The following SLC5A9 variants were observed in gnomAD, a reference collection of about 807,000 sequenced individuals.
SLC5A9 encodes the protein sodium/glucose cotransporter 4.
Under a neutral mutation model 70.9 loss-of-function variants are expected in SLC5A9, and 59 were observed. The ratio of observed to expected loss-of-function variants is 0.83; its 90% CI spans 0.68 to 1.03. SLC5A9 has a LOEUF of 1.03. Ranked by LOEUF, SLC5A9 falls within the 50% of genes least tolerant of loss-of-function variation. The pLI, the probability that SLC5A9 is intolerant of heterozygous loss-of-function variation, is 0.00. For synonymous variants in SLC5A9, 340 were observed against 346.5 expected (o/e 0.98, Z 0.21); for missense variants, 832 against 881.1 (o/e 0.94, Z 0.71).
chr1:48,241,426 CA>C (rs547943457), intron 12 of SLC5A9, among the ~76,000 whole-genome samples: 116 of 152,278 alleles, frequency 7.6e-4, no homozygotes, highest in Admixed American at 2.6e-3. Flanking sequence ...GGGCCCAGCA[CA>C]GTGGAAAGTA....
intron 2 of SLC5A9, among the ~76,000 whole-genome samples, chr1:48,227,402 CTGTGTGGGCGTGAGTGCA>C (rs1314620450): frequency 4.2e-5 from 5 of 118,192 alleles, no homozygotes; most frequent in African/African-American, 1.7e-4. Flanking sequence ...TGTACTGTGC[CTGTGTGGGCGTGAGTGCA>C]TGTGTGTCAG....
rs569662069 is a variant in SLC5A9 at position 48,240,532 on chromosome 1, T to C, written c.1677+995T>C. ...TCTTTTGATGGATGGTGCTTTAGAGTTTGCAAGATGACTTTATACCCTTGG... is the reference window on the plus strand; with the variant it reads ...TCTTTTGATGGATGGTGCTTTAGAGCTTGCAAGATGACTTTATACCCTTGG... On this transcript the variant is annotated intron_variant, in intron 12 of 13. Transcript: ENST00000438567. The C allele has an allele frequency of 3.3e-5, 5 of 152,286 alleles. No individual in the cohort carries two copies. The East Asian group carries it at 9.7e-4, about 29-fold the overall frequency. 9.4% of individuals were successfully genotyped at this position (152,286 alleles called of 1,614,324 possible). A position where few individuals can be genotyped will look rare whatever the true frequency, so the allele number is the denominator to read the frequency against.
chr1:48,231,806 G>C, intron 6 of SLC5A9, 140 bp from the exon 7 acceptor site: 1 of 1,516,128 alleles, frequency 6.6e-7, no homozygotes, highest in Non-Finnish European at 8.9e-7. Context: ...AGGGTCTTGA[G>C]CCCAAGCCCC....
chr1:48,222,750 T>C lies in SLC5A9; in HGVS notation c.14T>C (p.Leu5Pro). MSKE[L>P]AAMGPGASGD... ...CAACACTAACAGATGAGCAAGGAGCTGGCAGCAATGGGGCCTGGAGCTTCA... is the reference window on the plus strand; with the variant it reads ...CAACACTAACAGATGAGCAAGGAGCCGGCAGCAATGGGGCCTGGAGCTTCA... The change falls in exon 1 of 14, where the codon CTG becomes CCG. Residue 5 changes from leucine (L) to proline (P), a missense_variant. Physicochemically the swap from Leu to Pro is moderately conservative, Grantham distance 98. Transcript: ENST00000438567. 6.2e-7 allele frequency: 1 copy of C among 1,614,170 alleles called. No individual in the cohort carries two copies. The highest frequency in any genetic ancestry group is 8.5e-7 in the Non-Finnish European group (1 of 1,180,028).
At chr1:48,242,641 A>G (rs1644405928) in intron 13 of SLC5A9, 25 bp downstream of exon 13, 2 of 1,589,452 alleles carry the variant, frequency 1.3e-6, no homozygotes, top group Middle Eastern at 2.3e-4. Context: ...GCCGGGGGAT[A>G]CTCATCACAG....
chr1:48,228,191 C>A (rs1286788223), intron 2 of SLC5A9: 1 of 152,360 alleles, frequency 6.6e-6, no homozygotes, highest in East Asian at 1.9e-4. Flanking sequence ...CCTATCTGTG[C>A]CTCAGTTCAC....
chr1:48,236,938 AGAG>A (rs1181507328), intron 10 of SLC5A9, among the ~76,000 whole-genome samples: 1 of 152,202 alleles, frequency 6.6e-6, no homozygotes, highest in Non-Finnish European at 1.5e-5. Flanking sequence ...GAGGAAAAGG[AGAG>A]GAGAAGACAG....
In SLC5A9 at chr1:48,234,165, A is replaced by G. The variant is rs1326725161; in HGVS notation, c.1141+403A>G. ...GGAGCTACATCCCGAGTTAAATCTT[A>G]GGCAGACACAGCCGGAGGAGCATGG... is the stretch of plus-strand genomic sequence containing the variant. On this transcript the variant is annotated intron_variant, in intron 9 of 13. Transcript: ENST00000438567. 7.2e-5 allele frequency among the ~76,000 whole-genome samples: 11 copies of G among 152,220 alleles called. 1 individual carries two copies.
At chr1:48,226,471 C>A (rs1218738615) in intron 2 of SLC5A9, among the ~76,000 whole-genome samples, 2 of 152,186 alleles carry the variant, frequency 1.3e-5, no homozygotes, top group Admixed American at 6.5e-5. Context: ...AGGATGTGCT[C>A]CCCATCCTCT....
At position 48,242,493 on chromosome 1, in the gene SLC5A9, C is replaced by A; in HGVS notation, c.1714C>A (p.Leu572Ile). ...CACATGGTGGACTCGGAACTGCCCC[C>A]TCTCTGAGCTGGAGAAGGAGGCCCA... The part of the protein sequence containing the change: ...RLTWWTRNCP[L>I]SELEKEAHES... Residue 572 changes from leucine (L) to isoleucine (I), a missense_variant, in exon 13 of 14, where the codon CTC becomes ATC. Leu to Ile is a conservative substitution (Grantham distance 5). Transcript: ENST00000438567. 8.1e-6 allele frequency: 13 copies of A among 1,612,762 alleles called. No homozygotes were observed. Among genetic ancestry groups the A allele is most frequent in the South Asian group, 1.1e-5 (1 of 90,972 alleles).
chr1:48,231,654 T>C (rs1318239687), intron 6 of SLC5A9, 29 bp downstream of exon 6: 1 of 1,612,372 alleles, frequency 6.2e-7, no homozygotes, highest in Non-Finnish European at 8.5e-7. Context: ...TATACCCCAC[T>C]GTCATTCTTA....
chr1:48,224,319 G>C (rs1470999726), intron 1 of SLC5A9, among the ~76,000 whole-genome samples: 1 of 152,202 alleles, frequency 6.6e-6, no homozygotes, highest in Non-Finnish European at 1.5e-5. Flanking sequence ...TCCAGTGTGG[G>C]AGCTCAGCTG....
At position 48,239,299 on chromosome 1, in the gene SLC5A9, C is replaced by A; in HGVS notation, c.1462-23C>A. 2 of 1,573,454 alleles carry A rather than the reference C, an allele frequency of 1.3e-6. No homozygotes were observed. Among genetic ancestry groups the A allele is most frequent in the Non-Finnish European group, 1.7e-6 (2 of 1,150,328 alleles). On this transcript the variant is annotated intron_variant, in intron 11 of 13. Transcript: ENST00000438567. The surrounding 1 kb of genome is among the most constrained non-coding windows in gnomAD (Gnocchi z 4.2). ...GTCTCCCACCTGGATCTCACCTCAG[C>A]TCTTGTCTGCCCTCTCTCACAGGGA... is the stretch of plus-strand genomic sequence containing the variant.
intron 8 of SLC5A9, among the ~76,000 whole-genome samples, chr1:48,233,015 A>AGAGG (rs34762012): frequency 0.21 from 24,553 of 116,740 alleles, 3,405 homozygotes; most frequent in East Asian, 0.33. Flanking sequence ...AGGAACGAAG[A>AGAGG]GAGGGAGGGA....
At chr1:48,225,427 G>A (rs944670649) in intron 2 of SLC5A9, among the ~76,000 whole-genome samples, 2 of 151,998 alleles carry the variant, frequency 1.3e-5, no homozygotes, top group Non-Finnish European at 2.9e-5. Context: ...CCAAACCTTC[G>A]TGAGCCACAA....
rs777133054 is a variant in SLC5A9, at chr1:48,231,924, TTCAC to T, written c.692-16_692-13del. ...AGGCTCAGTGGGGTTTCAGGGCTGC[TTCAC>T]TCACTGTCTCCTCACAGGCTTTCAG... On this transcript the variant is annotated intron_variant, in intron 6 of 13. Coordinates refer to ENST00000438567, the MANE Select transcript of SLC5A9 (RefSeq NM_001011547.3). The T allele has an allele frequency of 3.1e-6, 5 of 1,613,856 alleles. No homozygotes were observed. Among genetic ancestry groups the T allele is most frequent in the Non-Finnish European group, 4.2e-6 (5 of 1,179,936 alleles).
In SLC5A9 at chr1:48,227,630, T is replaced by A. The variant is rs895639667; in HGVS notation, c.235-1220T>A. The stretch of plus-strand genomic sequence containing the variant: ...GCATCTGTGTGTGCATGTGTGAGAG[T>A]GTGTGTGTACTGTGCCTGTGTGTGT... On this transcript the variant is annotated intron_variant, in intron 2 of 13. Transcript: ENST00000438567. Among the ~76,000 whole-genome samples the A allele has an allele frequency of 3.3e-5, 5 of 150,378 alleles. 1 individual carries two copies. The South Asian group carries it at 6.3e-4, about 19-fold the overall frequency.
intron 12 of SLC5A9, 141 bp from the exon 13 acceptor site, chr1:48,242,316 G>A (rs910885121): frequency 3.2e-5 from 29 of 918,704 alleles, no homozygotes; most frequent in Admixed American, 2.8e-4. Context: ...GCTGAGATCC[G>A]GGCCTCCTGA....
rs780114984 is a variant in SLC5A9 at position 48,231,928 on chromosome 1, C to T, written c.692-18C>T. 2.0e-5 allele frequency: 33 copies of T among 1,614,018 alleles called. No homozygotes were observed. In the Middle Eastern group the frequency reaches 5.0e-4, roughly 24 times the overall value. On this transcript the variant is annotated intron_variant, in intron 6 of 13. Coordinates refer to ENST00000438567, the MANE Select transcript of SLC5A9 (RefSeq NM_001011547.3). The stretch of plus-strand genomic sequence containing the variant: ...TCAGTGGGGTTTCAGGGCTGCTTCA[C>T]TCACTGTCTCCTCACAGGCTTTCAG...
Sources: allele counts gnomAD v4.1 joint callset (sites outside exome capture counted in the v4.1 genomes callset), GRCh38; gene constraint gnomAD v4.1.1; non-coding constraint Gnocchi (gnomAD v3.1); transcripts MANE v1.5; gene names NCBI Gene and HGNC (gene_info 2026-07-23, HGNC 2026-07-21).